The following ASIC5 variants were observed in gnomAD, a reference collection of about 807,000 sequenced individuals.
ASIC5 encodes the protein acid sensing ion channel subunit family member 5.
Under a neutral mutation model 51.2 loss-of-function variants are expected in ASIC5, and 52 were observed. That is an observed-to-expected ratio of 1.02 (90% CI 0.81 to 1.28). The LOEUF (loss-of-function observed/expected upper bound fraction) is 1.28. ASIC5 is among the 50% of genes most tolerant of loss of function. ASIC5 has a pLI of 0.00. For missense variants in ASIC5, 635 were observed against 595.0 expected, an observed-to-expected ratio of 1.07 and a Z score of -0.70; for synonymous variants, 231 against 200.7, an observed-to-expected ratio of 1.15 and a Z score of -1.28.
intron 2 of ASIC5, among the ~76,000 whole-genome samples, chr4:155,857,330 C>T (rs184684707): frequency 6.6e-6 from 1 of 151,982 alleles, no homozygotes; most frequent in Non-Finnish European, 1.5e-5. Context: ...TACCATGTTG[C>T]CTGGCCTGGT....
Position 155,863,770 on chromosome 4 carries a change from A to G in ASIC5, c.41-16T>C, listed in dbSNP as rs768611532. On this transcript the variant is annotated splice_polypyrimidine_tract_variant and intron_variant, in intron 1 of 9. Transcript: ENST00000537611. ...TCTAAGAGTCCTTAAGGTTTTGCCC[A>G]TAAAATGATTAAACAAAAAAAAGTA... 2.5e-6 allele frequency: 4 copies of G among 1,578,848 alleles called. No individual in the cohort carries two copies. Among genetic ancestry groups the G allele is most frequent in the Non-Finnish European group, 3.4e-6 (4 of 1,164,136 alleles).
chr4:155,845,622 T>C (rs1013698314), intron 4 of ASIC5, among the ~76,000 whole-genome samples: 2 of 152,064 alleles, frequency 1.3e-5, no homozygotes, highest in Non-Finnish European at 2.9e-5. Context: ...CAGGATTCAA[T>C]GTGAGCTCTG....
chr4:155,864,672 G>A (rs1560756595), intron 1 of ASIC5: 1 of 152,006 alleles, frequency 6.6e-6, no homozygotes, highest in African/African-American at 2.4e-5. Flanking sequence ...CTGTCAAATG[G>A]CAGCAATGGT....
At chr4:155,842,713 A>G (rs1468072971) in intron 5 of ASIC5, among the ~76,000 whole-genome samples, 1 of 152,184 alleles carries the variant, frequency 6.6e-6, no homozygotes, top group Non-Finnish European at 1.5e-5. Flanking sequence ...AGATCCTTTA[A>G]TAAGCAACTA....
rs769277548 is a variant in ASIC5, at chr4:155,863,661, G to T, written c.134C>A (p.Thr45Asn). Residue 45 changes from threonine to asparagine, a missense_variant, in exon 2 of 10, where the codon ACT (threonine) becomes AAT (asparagine). Thr to Asn is a moderately conservative substitution (Grantham distance 65). Transcript: ENST00000537611. Reference protein sequence around the residue: ...KKFDHDFAISTSFHGIHNIVQ... With the variant: ...KKFDHDFAISNSFHGIHNIVQ... Reference sequence around the variant, plus strand: ...AATATTGTGTATCCCATGAAAGGAAGTGGAGATGGCAAAGTCATGGTCAAA... The same window carrying T: ...AATATTGTGTATCCCATGAAAGGAATTGGAGATGGCAAAGTCATGGTCAAA... 1 of 1,613,776 alleles carries T rather than the reference G, an allele frequency of 6.2e-7. No individual in the cohort carries two copies.
chr4:155,860,458 T>C (rs976129876), intron 2 of ASIC5, among the ~76,000 whole-genome samples: 1 of 151,886 alleles, frequency 6.6e-6, no homozygotes, highest in Non-Finnish European at 1.5e-5. Flanking sequence ...ATAGCTTGAG[T>C]ACTTTTCCTG....
chr4:155,854,108 C>A lies in ASIC5; in HGVS notation c.554G>T (p.Cys185Phe), dbSNP rs373276410. ...GCTACATGGCTTTCCAAAAAACTCA[C>A]AGTCCAACAAAGTGCTATTGTTGAG... ...FYLNNSTLLDCEFFGKPCSPK... is the reference protein window; with the variant it reads ...FYLNNSTLLDFEFFGKPCSPK... Residue 185 changes from cysteine (C) to phenylalanine (F), a missense_variant, in exon 3 of 10, where the codon TGT (cysteine) becomes TTT (phenylalanine). Transcript: ENST00000537611. 1 of 1,612,686 alleles carries A rather than the reference C, an allele frequency of 6.2e-7. No homozygotes were observed. Among genetic ancestry groups the A allele is most frequent in the Non-Finnish European group, 8.5e-7 (1 of 1,179,328 alleles).
intron 2 of ASIC5, among the ~76,000 whole-genome samples, chr4:155,856,808 C>T (rs978172227): frequency 6.6e-6 from 1 of 152,038 alleles, no homozygotes; most frequent in African/African-American, 2.4e-5. Context: ...CTGTGAAATC[C>T]TGCACAGTCA....
At chr4:155,851,699 T>C (rs1741385005) in intron 4 of ASIC5, among the ~76,000 whole-genome samples, 1 of 151,988 alleles carries the variant, frequency 6.6e-6, no homozygotes. Context: ...AATTTCAGCT[T>C]TCCAAAAGCT....
chr4:155,855,247 T>C (rs956583997), intron 2 of ASIC5: 2 of 152,134 alleles, frequency 1.3e-5, no homozygotes, highest in Non-Finnish European at 2.9e-5. Flanking sequence ...CTGTATAACC[T>C]ACCTCAAAGT....
chr4:155,832,935 A>T (rs935567111), intron 8 of ASIC5, among the ~76,000 whole-genome samples: 1 of 152,072 alleles, frequency 6.6e-6, no homozygotes, highest in Non-Finnish European at 1.5e-5. Flanking sequence ...TCCTGACAAT[A>T]ATCCACAACC....
At chr4:155,839,543 AG>A (rs1741070116) in intron 6 of ASIC5, among the ~76,000 whole-genome samples, 1 of 152,304 alleles carries the variant, frequency 6.6e-6, no homozygotes, top group South Asian at 2.1e-4. Context: ...TTAGTCTTTT[AG>A]CCTTAATACA....
rs749340873 is a variant in ASIC5, at chr4:155,842,249, G to A, written c.967C>T (p.His323Tyr). 6.2e-7 allele frequency: 1 copy of A among 1,613,676 alleles called. No homozygotes were observed. The highest frequency in any genetic ancestry group is 1.3e-5 in the African/African-American group (1 of 74,994). Residue 323 changes from histidine to tyrosine, a missense_variant, in exon 6 of 10, where the codon CAC becomes TAC. Physicochemically the swap from His to Tyr is moderately conservative, Grantham distance 83. Coordinates refer to ENST00000537611, the MANE Select transcript of ASIC5 (RefSeq NM_017419.3). Reference protein sequence around the residue: ...SGCLKECKAQHIKKQCGCVPF... With the variant: ...SGCLKECKAQYIKKQCGCVPF... ...ACACATCCACATTGCTTTTTTATGT[G>A]CTGGGCTTTGCATTCCTTCAAGCAA...
intron 2 of ASIC5, among the ~76,000 whole-genome samples, chr4:155,862,264 T>A (rs1389953249): frequency 6.6e-6 from 1 of 152,072 alleles, no homozygotes. Context: ...ATATCTTGAG[T>A]TCTTGAAATA....
chr4:155,831,785 G>C, intron 9 of ASIC5, 39 bp downstream of exon 9: 1 of 1,276,544 alleles, frequency 7.8e-7, no homozygotes, highest in Non-Finnish European at 1.1e-6. Context: ...AAATAAATAA[G>C]TAAATAAATA....
intron 2 of ASIC5, among the ~76,000 whole-genome samples, chr4:155,863,117 T>G (rs566838768): frequency 2.6e-5 from 4 of 152,134 alleles, no homozygotes; most frequent in Non-Finnish European, 5.9e-5. Context: ...CTGAGGCAGG[T>G]GGATCGCTTC....
At chr4:155,836,911 G>T in intron 7 of ASIC5, 54 bp from the exon 8 acceptor site, 1 of 1,319,052 alleles carries the variant, frequency 7.6e-7, no homozygotes, top group Non-Finnish European at 1.1e-6. Flanking sequence ...TTCATCATGG[G>T]TAGGATAGTT....
At chr4:155,860,770 G>A (rs1741682899) in intron 2 of ASIC5, among the ~76,000 whole-genome samples, 2 of 151,666 alleles carry the variant, frequency 1.3e-5, no homozygotes, top group African/African-American at 4.8e-5. Context: ...TGTAATCATT[G>A]ATTTGAGATT....
At chr4:155,854,022 G>A in intron 3 of ASIC5, 55 bp downstream of exon 3, 1 of 1,317,252 alleles carries the variant, frequency 7.6e-7, no homozygotes, top group Non-Finnish European at 1.1e-6. Flanking sequence ...ATGTGAAACA[G>A]TGCAGTAACG....
Sources: allele counts gnomAD v4.1 joint callset (sites outside exome capture counted in the v4.1 genomes callset), GRCh38; gene constraint gnomAD v4.1.1; transcripts MANE v1.5; gene names NCBI Gene and HGNC (gene_info 2026-07-23, HGNC 2026-07-21).